The following RBFOX1 variants were observed in gnomAD, a reference collection of about 807,000 sequenced individuals.
RBFOX1 encodes RNA binding protein fox-1 homolog 1.
RBFOX1 carries 8 observed loss-of-function variants against 57.7 expected under a neutral mutation model. The ratio of observed to expected loss-of-function variants is 0.14; its 90% confidence interval spans 0.08 to 0.25. The LOEUF (loss-of-function observed/expected upper bound fraction) is 0.25. Among genes scored for constraint, RBFOX1 ranks in the 10% least tolerant of loss-of-function variants. RBFOX1 has a pLI of 1.00. For synonymous variants in RBFOX1, 326 were observed against 222.4 expected (o/e 1.47, Z -4.15); for missense variants, 611 against 548.5 (o/e 1.11, Z -1.14).
At chr16:6,817,815 C>G (rs1009435396) in intron 3 of RBFOX1, among the ~76,000 whole-genome samples, 3 of 152,146 alleles carry the variant, frequency 2.0e-5, no homozygotes, top group Admixed American at 6.5e-5. Flanking sequence ...TTAACTATAA[C>G]TCAAGAATTC....
intron 1 of RBFOX1, among the ~76,000 whole-genome samples, chr16:6,227,897 A>C (rs1422062213): frequency 2.0e-5 from 3 of 152,224 alleles, no homozygotes; most frequent in Admixed American, 6.5e-5. Context: ...CAAAAAATTA[A>C]AAATAGAACT....
At chr16:5,733,090 A>C (rs1178173904) in intron 3 of RBFOX1, among the ~76,000 whole-genome samples, 2 of 152,146 alleles carry the variant, frequency 1.3e-5, no homozygotes, top group Non-Finnish European at 2.9e-5. Context: ...AATACACCTG[A>C]CTTCCAAAAC....
intron 3 of RBFOX1, among the ~76,000 whole-genome samples, chr16:6,698,528 T>C (rs945690845): frequency 2.0e-5 from 3 of 152,214 alleles, no homozygotes; most frequent in African/African-American, 7.2e-5. Flanking sequence ...CTCTTTCTTT[T>C]GTCTCTTCAA....
At chr16:5,987,214 T>C (rs554677396) in intron 4 of RBFOX1, among the ~76,000 whole-genome samples, 108 of 152,360 alleles carry the variant, frequency 7.1e-4, no homozygotes, top group Non-Finnish European at 1.4e-3. Context: ...TCCTGTCTAA[T>C]TGGATTGGTT....
intron 3 of RBFOX1, among the ~76,000 whole-genome samples, chr16:6,989,320 G>A (rs1221087830): frequency 1.3e-5 from 2 of 152,170 alleles, no homozygotes; most frequent in Admixed American, 6.5e-5. Flanking sequence ...ACAATTATAT[G>A]TGCTTCTCTC....
chr16:6,304,228 C>T (rs1211330104), intron 1 of RBFOX1, among the ~76,000 whole-genome samples: 3 of 151,710 alleles, frequency 2.0e-5, no homozygotes, highest in Non-Finnish European at 4.4e-5. Flanking sequence ...GCGGAGATTG[C>T]AGTGAGCCGA....
chr16:7,493,650 A>G (rs1261365194), intron 4 of RBFOX1, among the ~76,000 whole-genome samples: 2 of 152,218 alleles, frequency 1.3e-5, no homozygotes, highest in Non-Finnish European at 2.9e-5. Flanking sequence ...GAAGTTGGAG[A>G]AAGAGACCAC....
intron 4 of RBFOX1, among the ~76,000 whole-genome samples, chr16:7,141,532 A>G (rs2073785973): frequency 6.6e-6 from 1 of 152,184 alleles, no homozygotes; most frequent in African/African-American, 2.4e-5. Context: ...ATCAAGGATC[A>G]TTGTTATTTT....
At chr16:6,565,765 G>A (rs2097256749) in intron 2 of RBFOX1, among the ~76,000 whole-genome samples, 1 of 152,202 alleles carries the variant, frequency 6.6e-6, no homozygotes, top group African/African-American at 2.4e-5. Flanking sequence ...ACTGCACCCA[G>A]CTCACTTTTT....
chr16:5,725,970 T>G (rs561834218), intron 3 of RBFOX1, among the ~76,000 whole-genome samples: 1 of 152,056 alleles, frequency 6.6e-6, no homozygotes, highest in African/African-American at 2.4e-5. Flanking sequence ...ATTTCTGAGG[T>G]TGGTCACCAA....
intron 4 of RBFOX1, among the ~76,000 whole-genome samples, chr16:7,184,303 G>T (rs562747801): frequency 6.6e-6 from 1 of 152,220 alleles, no homozygotes; most frequent in Non-Finnish European, 1.5e-5. Context: ...GACCTTAGAG[G>T]GAAGACATCA....
At chr16:6,313,231 T>C (rs1017884651) in intron 1 of RBFOX1, among the ~76,000 whole-genome samples, 1 of 152,116 alleles carries the variant, frequency 6.6e-6, no homozygotes, top group Non-Finnish European at 1.5e-5. Context: ...GAGCTGTGTC[T>C]AGGAGCAAAT....
intron 1 of RBFOX1, among the ~76,000 whole-genome samples, chr16:6,257,818 C>CT (rs1205947152): frequency 6.6e-6 from 1 of 152,180 alleles, no homozygotes; most frequent in Non-Finnish European, 1.5e-5. Context: ...TTAATCCACT[C>CT]TATCATTAAT....
intron 3 of RBFOX1, among the ~76,000 whole-genome samples, chr16:6,714,278 A>T (rs1260646792): frequency 6.6e-6 from 1 of 152,170 alleles, no homozygotes; most frequent in Non-Finnish European, 1.5e-5. Flanking sequence ...TAAATGACCC[A>T]GTCTCAGGCA....
intron 5 of RBFOX1, among the ~76,000 whole-genome samples, chr16:7,576,598 G>C (rs149002519): frequency 6.6e-6 from 1 of 152,150 alleles, no homozygotes. Context: ...GATTAATTGA[G>C]CGTTGTATGT....
chr16:5,309,785 C>T (rs984380770), intron 1 of RBFOX1, among the ~76,000 whole-genome samples: 3 of 152,174 alleles, frequency 2.0e-5, no homozygotes, highest in Admixed American at 6.5e-5. Context: ...TTAAACTATA[C>T]CGTAAGTGTA....
chr16:6,412,333 C>T (rs975409425), intron 2 of RBFOX1, among the ~76,000 whole-genome samples: 3 of 152,036 alleles, frequency 2.0e-5, no homozygotes, highest in South Asian at 2.1e-4. Flanking sequence ...TAATATAATG[C>T]GCTGGTAGAT....
intron 3 of RBFOX1, among the ~76,000 whole-genome samples, chr16:6,661,617 A>G (rs2098702107): frequency 1.3e-5 from 2 of 152,172 alleles, no homozygotes; most frequent in Admixed American, 6.5e-5. Flanking sequence ...GGGGAATAAG[A>G]ACTGGGGTTG....
chr16:7,512,219 A>C (rs567631605), intron 4 of RBFOX1, among the ~76,000 whole-genome samples: 1 of 152,210 alleles, frequency 6.6e-6, no homozygotes, highest in Non-Finnish European at 1.5e-5. Flanking sequence ...CCCTACATGA[A>C]GTTGGCTTCA....
Sources: allele counts gnomAD v4.1 joint callset (sites outside exome capture counted in the v4.1 genomes callset), GRCh38; gene constraint gnomAD v4.1.1; transcripts MANE v1.5; gene names NCBI Gene and HGNC (gene_info 2026-07-23, HGNC 2026-07-21).